The following ITPR1 variants were observed in gnomAD, a reference collection of about 807,000 sequenced individuals.
ITPR1 encodes the protein inositol 1,4,5-trisphosphate-gated calcium channel ITPR1.
A neutral mutation model predicts 318.4 loss-of-function variants in ITPR1; 96 were observed. The ratio of observed to expected loss-of-function variants is 0.30; its 90% CI spans 0.26 to 0.36. ITPR1 has a LOEUF of 0.36. ITPR1 is among the 10% of genes least tolerant of loss of function. ITPR1 has a pLI of 1.00. For missense variants in ITPR1, 2,440 were observed against 3,460.2 expected, an observed-to-expected ratio of 0.71 and a Z score of 7.40; for synonymous variants, 1,312 against 1,289.9, an observed-to-expected ratio of 1.02 and a Z score of -0.37.
chr3:4,616,558 A>G (rs898670470), intron 4 of ITPR1, among the ~76,000 whole-genome samples: 1 of 152,192 alleles, frequency 6.6e-6, no homozygotes, highest in Non-Finnish European at 1.5e-5. Context: ...TCACCTATTG[A>G]TTTCATCTCA....
At chr3:4,724,563 C>G (rs1017803998) in intron 40 of ITPR1, 4 of 152,242 alleles carry the variant, frequency 2.6e-5, no homozygotes, top group Non-Finnish European at 5.9e-5. Context: ...TCAGACTACA[C>G]CTCACACTAG....
intron 10 of ITPR1, among the ~76,000 whole-genome samples, chr3:4,650,464 C>T (rs2093567702): frequency 6.6e-6 from 1 of 152,148 alleles, no homozygotes; most frequent in Non-Finnish European, 1.5e-5. Context: ...TTTTGGCTTG[C>T]ATCATTTGTG....
At chr3:4,833,088 G>A (rs768784610) in intron 60 of ITPR1, among the ~76,000 whole-genome samples, 4 of 152,212 alleles carry the variant, frequency 2.6e-5, no homozygotes, top group Non-Finnish European at 4.4e-5. Context: ...GATCCTCAGC[G>A]CTCAACCCCA....
chr3:4,758,311 C>A (rs1328539292), intron 44 of ITPR1, among the ~76,000 whole-genome samples: 1 of 152,172 alleles, frequency 6.6e-6, no homozygotes, highest in Non-Finnish European at 1.5e-5. Context: ...CTGAGTCCTG[C>A]AGCCGTCACT....
intron 36 of ITPR1, among the ~76,000 whole-genome samples, 151 bp downstream of exon 36, chr3:4,703,101 T>C (rs1490606528): frequency 6.6e-6 from 1 of 152,230 alleles, no homozygotes; most frequent in Non-Finnish European, 1.5e-5. Context: ...GTCTTCTTGA[T>C]TGCTGGGCTT....
chr3:4,547,540 G>A (rs1037820078), intron 4 of ITPR1, among the ~76,000 whole-genome samples: 3 of 152,158 alleles, frequency 2.0e-5, no homozygotes, highest in Non-Finnish European at 2.9e-5. Context: ...AGGGTGGCAC[G>A]GTGACAATAT....
chr3:4,729,898 G>C (rs1436014124), intron 42 of ITPR1, among the ~76,000 whole-genome samples: 1 of 150,942 alleles, frequency 6.6e-6, no homozygotes, highest in Non-Finnish European at 1.5e-5. Context: ...AAATGTTAAA[G>C]CTGAAGAAGT....
chr3:4,609,052 A>ATATATATATATATG (rs2125095559), intron 4 of ITPR1, among the ~76,000 whole-genome samples: 1 of 3,122 alleles, frequency 3.2e-4, no homozygotes, highest in South Asian at 8.2e-3. Context: ...CAACAACGAA[A>ATATATATATATATG]TATATATATA....
rs143477265 is a variant in ITPR1, at chr3:4,651,161, C to T, written c.856-962C>T. Among the ~76,000 whole-genome samples the T allele has an allele frequency of 5.3e-5, 8 of 152,264 alleles. No homozygotes were observed. In the South Asian group the frequency reaches 1.4e-3, roughly 28 times the overall value. ...TCAGGACTCCTCCCAGCCCTGTGTG[C>T]GCTCTGGGAAAGTTCAGCTTTCAGA... On this transcript the variant is annotated intron_variant, in intron 10 of 61. Transcript: ENST00000649015.
In ITPR1 at chr3:4,717,351, C is replaced by T. The variant is rs1559761100; in HGVS notation, c.5104-16C>T. On this transcript the variant is annotated splice_polypyrimidine_tract_variant and intron_variant, in intron 39 of 61. Coordinates refer to ENST00000649015, the MANE Select transcript of ITPR1 (RefSeq NM_001378452.1). ...TAACATTTCCTTCTCTCTCTCTCCCCTTTTTTCTTTTCCAGCTAATTTCCA... is the reference window on the plus strand; with the variant it reads ...TAACATTTCCTTCTCTCTCTCTCCCTTTTTTTCTTTTCCAGCTAATTTCCA... 6.3e-7 allele frequency: 1 copy of T among 1,586,798 alleles called. No individual in the cohort carries two copies. Among genetic ancestry groups the T allele is most frequent in the African/African-American group, 1.3e-5 (1 of 74,678 alleles).
At chr3:4,598,351 G>T (rs1284181933) in intron 4 of ITPR1, among the ~76,000 whole-genome samples, 1 of 152,220 alleles carries the variant, frequency 6.6e-6, no homozygotes, top group African/African-American at 2.4e-5. Context: ...TGGGTGCAGT[G>T]GCTCACGCCT....
chr3:4,551,455 A>T (rs1248973690), intron 4 of ITPR1, among the ~76,000 whole-genome samples: 2 of 152,206 alleles, frequency 1.3e-5, no homozygotes, highest in East Asian at 3.9e-4. Flanking sequence ...ATGAGAACAG[A>T]TCTTTCTAAT....
At chr3:4,683,576 G>A (rs1168815358) in intron 27 of ITPR1, 25 bp downstream of exon 27, 1 of 1,613,772 alleles carries the variant, frequency 6.2e-7, no homozygotes, top group East Asian at 2.2e-5. Context: ...CCACGTGTGT[G>A]TTGTCTGTCC....
intron 39 of ITPR1, among the ~76,000 whole-genome samples, chr3:4,713,411 A>T (rs1243577689): frequency 6.6e-6 from 1 of 152,176 alleles, no homozygotes; most frequent in Non-Finnish European, 1.5e-5. Context: ...GTGACTTACA[A>T]GTTGTGATTA....
At chr3:4,733,380 A>T (rs1169162414) in intron 43 of ITPR1, among the ~76,000 whole-genome samples, 160 bp downstream of exon 43, 1 of 152,142 alleles carries the variant, frequency 6.6e-6, no homozygotes, top group Non-Finnish European at 1.5e-5. Context: ...CATCAAATTG[A>T]TGCCTAAACA....
Position 4,713,807 on chromosome 3 carries a change from G to A in ITPR1, c.5103+1939G>A, listed in dbSNP as rs558108863. ...TCACACCTAAGCAGAGAGGCTTGGA[G>A]AAGAGATGGCCTTTCTTTCCAGTCT... On this transcript the variant is annotated intron_variant, in intron 39 of 61. Transcript: ENST00000649015. Among the ~76,000 whole-genome samples the A allele has an allele frequency of 5.3e-5, 8 of 152,306 alleles. No individual in the cohort carries two copies. In the East Asian group the frequency reaches 1.5e-3, roughly 29 times the overall value.
intron 59 of ITPR1, among the ~76,000 whole-genome samples, chr3:4,816,022 T>G (rs2049278644): frequency 6.6e-6 from 1 of 151,796 alleles, no homozygotes; most frequent in African/African-American, 2.4e-5. Context: ...ACACATTTTC[T>G]AATGTGAGTG....
intron 8 of ITPR1, among the ~76,000 whole-genome samples, 170 bp from the exon 9 acceptor site, chr3:4,645,217 C>T (rs2093427697): frequency 6.6e-6 from 1 of 152,174 alleles, no homozygotes; most frequent in Admixed American, 6.5e-5. Flanking sequence ...CCAAACTCTG[C>T]CAGCAGGCCA....
At chr3:4,657,875 G>A (rs2093748303) in intron 12 of ITPR1, among the ~76,000 whole-genome samples, 1 of 152,134 alleles carries the variant, frequency 6.6e-6, no homozygotes, top group Admixed American at 6.5e-5. Flanking sequence ...CAAGTGCTGG[G>A]ATTACAGGTG....
Sources: gnomAD v4.1 joint callset for allele counts (sites outside exome capture counted in the v4.1 genomes callset) on GRCh38, gnomAD v4.1.1 for gene constraint, MANE v1.5 for transcripts, NCBI Gene and HGNC (gene_info 2026-07-23, HGNC 2026-07-21) for gene names.